Variants in ZNF561 observed in about 807,000 individuals in gnomAD.
The protein encoded by ZNF561 is zinc finger protein 561.
Under a neutral mutation model 16.7 loss-of-function variants are expected in ZNF561, and 16 were observed. The observed-to-expected ratio is 0.96, with a 90% confidence interval of 0.65 to 1.45. The LOEUF is 1.45. Among genes scored for constraint, ZNF561 ranks in the 40% most tolerant of loss-of-function variants. The probability of loss-of-function intolerance (pLI) is 0.00; values close to 1 mark genes in which losing one functional copy is unlikely to be tolerated. For missense variants in ZNF561, 580 were observed against 578.0 expected, an observed-to-expected ratio of 1.00 and a Z score of -0.04; for synonymous variants, 190 against 192.1, an observed-to-expected ratio of 0.99 and a Z score of 0.09.
intron 1 of ZNF561, chr19:9,620,776 C>T (rs2074658239): frequency 6.6e-6 from 1 of 152,264 alleles, no homozygotes; most frequent in African/African-American, 2.4e-5. Context: ...GGTGCAGTGG[C>T]TCACACCTAT....
chr19:9,617,261 T>TA, intron 3 of ZNF561, 90 bp from the exon 4 acceptor site: 1 of 1,474,902 alleles, frequency 6.8e-7, no homozygotes, highest in Non-Finnish European at 9.0e-7. Context: ...TATACTCACT[T>TA]ACACGTGGTT....
Position 9,609,257 on chromosome 19 carries a change from GGCT to G in ZNF561, c.*940_*942del, listed in dbSNP as rs1568227212. 1 of 152,128 alleles carries G rather than the reference GGCT, an allele frequency of 6.6e-6. No homozygotes were observed. Among genetic ancestry groups the G allele is most frequent in the African/African-American group, 2.4e-5 (1 of 41,430 alleles). The allele number at this position is 152,128 out of a possible 1,614,324, so 9.4% of individuals were successfully genotyped here. ...AATATGTGGGTCAAACTCTGTTCAA[GGCT>G]CTCAGCTCTGAAGGCTGTGAGCCCC... On this transcript the variant is annotated 3_prime_UTR_variant, in exon 6 of 6. Coordinates refer to ENST00000302851, the MANE Select transcript of ZNF561 (RefSeq NM_152289.3).
In ZNF561 at chr19:9,610,209, A is replaced by G. The variant is rs1599216784; in HGVS notation, c.1452T>C (p.Val484=). The G allele has an allele frequency of 6.3e-7, 1 of 1,582,434 alleles. No homozygotes were observed. The change falls in exon 6 of 6, where the codon GTT becomes GTC. Residue 484 remains valine, a synonymous_variant. Coordinates refer to ENST00000302851, the MANE Select transcript of ZNF561 (RefSeq NM_152289.3). ...GATGGCAACCGATGGGCTAAATGGTAACACTCATATCCTTGCATTCATAGG... is the reference window on the plus strand; with the variant it reads ...GATGGCAACCGATGGGCTAAATGGTGACACTCATATCCTTGCATTCATAGG... ...EKPYECKDMS[V]TI
In ZNF561 at chr19:9,611,125, G is replaced by A. The variant is rs774312361; in HGVS notation, c.536C>T (p.Thr179Ile). The A allele has an allele frequency of 6.2e-7, 1 of 1,613,894 alleles. No individual in the cohort carries two copies. The highest frequency in any genetic ancestry group is 2.2e-5 in the East Asian group (1 of 44,888). ...ATGTACAGCAAGACCTGGAGTTAGAGTAAAGACTTTTCCACATGGATTAAA... is the reference window on the plus strand; with the variant it reads ...ATGTACAGCAAGACCTGGAGTTAGAATAAAGACTTTTCCACATGGATTAAA... ...SKFNPCGKVFTLTPGLAVHLE... is the reference protein window; with the variant it reads ...SKFNPCGKVFILTPGLAVHLE... Residue 179 changes from threonine (T) to isoleucine (I), a missense_variant, in exon 6 of 6, where the codon ACT becomes ATT. Transcript: ENST00000302851.
In ZNF561 at chr19:9,610,228, T is replaced by C. The variant is rs149036644; in HGVS notation, c.1433A>G (p.Glu478Gly). Residue 478 changes from glutamate (E) to glycine (G), a missense_variant, in exon 6 of 6, where the codon GAA (glutamate) becomes GGA (glycine). Transcript: ENST00000302851. ...AATGGTAACACTCATATCCTTGCAT[T>C]CATAGGGTTTCTCCCCAGTGTGAAT... ...ERIHTGEKPY[E>G]CKDMSVTI The C allele has an allele frequency of 7.6e-4, 1,218 of 1,606,900 alleles. 1 individual carries two copies. Among genetic ancestry groups the C allele is most frequent in the Non-Finnish European group, 9.9e-4 (1,167 of 1,176,356 alleles).
rs10401707 is a variant in ZNF561 at position 9,621,174 on chromosome 19, A to T, written c.-139T>A. 1.3e-5 allele frequency: 2 copies of T among 153,944 alleles called. No individual in the cohort carries two copies. Among genetic ancestry groups the T allele is most frequent in the South Asian group, 1.8e-4 (1 of 5,652 alleles). The allele number at this position is 153,944 out of a possible 1,614,324, so 9.5% of individuals were successfully genotyped here. The stretch of plus-strand genomic sequence containing the variant: ...AGGTGGAACTCACCACAGCCTGGGC[A>T]GACTCCACCACCATAAAGGCGAAAC... On this transcript the variant is annotated 5_prime_UTR_variant, in exon 1 of 6. Coordinates refer to ENST00000302851, the MANE Select transcript of ZNF561 (RefSeq NM_152289.3).
chr19:9,619,423 A>C lies in ZNF561; in HGVS notation c.25+9T>G, dbSNP rs569341314. 32 of 1,613,186 alleles carry C rather than the reference A, an allele frequency of 2.0e-5. No individual in the cohort carries two copies. In the East Asian group the frequency reaches 6.0e-4, roughly 30 times the overall value. On this transcript the variant is annotated intron_variant, in intron 2 of 5. Transcript: ENST00000302851. ...GAATCTCTGAAAAAGAGCATCAACA[A>C]AGACTTACCACGGGACAAATAAATG...
At chr19:9,614,453 AC>A (rs1242182058) in intron 4 of ZNF561, among the ~76,000 whole-genome samples, 1 of 152,166 alleles carries the variant, frequency 6.6e-6, no homozygotes, top group African/African-American at 2.4e-5. Flanking sequence ...TACTAAAAAT[AC>A]AAAATTAGCC....
At chr19:9,614,370 A>T in intron 4 of ZNF561, 2 of 332,550 alleles carry the variant, frequency 6.0e-6, no homozygotes, top group South Asian at 6.2e-5. Flanking sequence ...GCACTTTGGG[A>T]GGCTGAGGCG....
At chr19:9,616,382 G>A (rs11086112) in intron 4 of ZNF561, among the ~76,000 whole-genome samples, 27,459 of 151,966 alleles carry the variant, frequency 0.18, 3,517 homozygotes, top group East Asian at 0.64. Context: ...CCTTGTTCAA[G>A]CAATTCTCCT....
At chr19:9,617,350 C>A in intron 3 of ZNF561, 179 bp from the exon 4 acceptor site, 1 of 1,265,926 alleles carries the variant, frequency 7.9e-7, no homozygotes, top group Non-Finnish European at 1.0e-6. Context: ...TGACCTCCTA[C>A]AGGCATATGC....
chr19:9,609,805 A>G lies in ZNF561; in HGVS notation c.*395T>C. ...GATCAGAAGAGACCCTTGGAGGAGCATCTCTTAACAACCCACCTTTGGGGT... is the reference window on the plus strand; with the variant it reads ...GATCAGAAGAGACCCTTGGAGGAGCGTCTCTTAACAACCCACCTTTGGGGT... On this transcript the variant is annotated 3_prime_UTR_variant, in exon 6 of 6. Coordinates refer to ENST00000302851, the MANE Select transcript of ZNF561 (RefSeq NM_152289.3). 6.0e-6 allele frequency: 1 copy of G among 166,188 alleles called. No homozygotes were observed. The highest frequency in any genetic ancestry group is 1.6e-4 in the South Asian group (1 of 6,168). The allele number at this position is 166,188 out of a possible 1,614,324, so 10.3% of individuals were successfully genotyped here.
Position 9,607,359 on chromosome 19 carries a change from T to C in ZNF561, c.*2841A>G, listed in dbSNP as rs1018740660. ...TTGAAGTATTTATTACATACCATCA[T>C]TGGCCAGGAACAGTTCTAGGTACTT... On this transcript the variant is annotated 3_prime_UTR_variant, in exon 6 of 6. Transcript: ENST00000302851. 2.0e-5 allele frequency: 3 copies of C among 152,206 alleles called. No individual in the cohort carries two copies. Among genetic ancestry groups the C allele is most frequent in the Admixed American group, 1.3e-4 (2 of 15,278 alleles). The allele number at this position is 152,206 out of a possible 1,614,324, so 9.4% of individuals were successfully genotyped here.
At position 9,611,033 on chromosome 19, in the gene ZNF561, C is replaced by T. The variant is rs755498448; in HGVS notation, c.628G>A (p.Ala210Thr). 2.5e-6 allele frequency: 4 copies of T among 1,614,074 alleles called. No individual in the cohort carries two copies. In the East Asian group the frequency reaches 8.9e-5, roughly 36 times the overall value. The change falls in exon 6 of 6, where the codon GCA becomes ACA. Residue 210 changes from alanine to threonine, a missense_variant. Transcript: ENST00000302851. ...KECGKGFKYF[A>T]SLDNHMGIHT... ...ATTCCCATATGATTATCAAGGCTTG[C>T]AAAATACTTAAAGCCTTTTCCACAT... is the stretch of plus-strand genomic sequence containing the variant.
rs2074404900 is a variant in ZNF561 at position 9,609,350 on chromosome 19, G to T, written c.*850C>A. The T allele has an allele frequency of 6.6e-6, 1 of 152,106 alleles. No individual in the cohort carries two copies. The highest frequency in any genetic ancestry group is 1.5e-5 in the Non-Finnish European group (1 of 68,022). 9.4% of individuals were successfully genotyped at this position (152,106 alleles called of 1,614,324 possible). A position where few individuals can be genotyped will look rare whatever the true frequency, so the allele number is the denominator to read the frequency against. On this transcript the variant is annotated 3_prime_UTR_variant, in exon 6 of 6. Coordinates refer to ENST00000302851, the MANE Select transcript of ZNF561 (RefSeq NM_152289.3). ...ATTCCTCTAGAGCTGCTGGGTCAGG[G>T]TCTCCATGACCCAGCTGGTCTCAGC...
chr19:9,613,989 G>A (rs2144884493), intron 5 of ZNF561, 32 bp downstream of exon 5: 1 of 1,607,796 alleles, frequency 6.2e-7, no homozygotes, highest in South Asian at 1.1e-5. Context: ...TTCTAAGAGA[G>A]GAAATTAAGA....
In ZNF561 at chr19:9,609,614, G is replaced by T. The variant is rs1275412918; in HGVS notation, c.*586C>A. ...AGAGAGACTGGATTATACTAGAAGA[G>T]ACATTGCCACTTACATTGTGCCATC... On this transcript the variant is annotated 3_prime_UTR_variant, in exon 6 of 6. Transcript: ENST00000302851. The T allele has an allele frequency of 2.0e-5, 3 of 152,808 alleles. No homozygotes were observed. The highest frequency in any genetic ancestry group is 1.3e-4 in the Admixed American group (2 of 15,356). The allele number at this position is 152,808 out of a possible 1,614,324, so 9.5% of individuals were successfully genotyped here.
At chr19:9,619,877 C>CTATCTATA (rs59946816) in intron 1 of ZNF561, among the ~76,000 whole-genome samples, 8,895 of 148,842 alleles carry the variant, frequency 0.06, 381 homozygotes, top group Non-Finnish European at 0.093. Flanking sequence ...CTATCTATAT[C>CTATCTATA]TATCTATCTA....
In ZNF561 at chr19:9,610,313, C is replaced by T. The variant is rs753019034; in HGVS notation, c.1348G>A (p.Val450Ile). ...AATGCTTTCCCACATTCTTTACATA[C>T]GAAGGGTTTCTCTCCGGTATGAGTT... ...LRTHTGEKPF[V>I]CKECGKAFAV... is the part of the protein sequence containing the mutation. The change falls in exon 6 of 6, where the codon GTA (valine) becomes ATA (isoleucine). Residue 450 changes from valine to isoleucine, a missense_variant. Physicochemically the swap from Val to Ile is conservative, Grantham distance 29. Coordinates refer to ENST00000302851, the MANE Select transcript of ZNF561 (RefSeq NM_152289.3). The T allele has an allele frequency of 8.6e-5, 138 of 1,613,984 alleles. No homozygotes were observed. The highest frequency in any genetic ancestry group is 1.5e-4 in the South Asian group (14 of 91,082).
Sources: allele counts gnomAD v4.1 joint callset (sites outside exome capture counted in the v4.1 genomes callset), GRCh38; gene constraint gnomAD v4.1.1; transcripts MANE v1.5; gene names NCBI Gene and HGNC (gene_info 2026-07-23, HGNC 2026-07-21).